Variants in FAT2 observed in about 807,000 individuals in gnomAD.
The protein encoded by FAT2 is FAT atypical cadherin 2, also known as protocadherin Fat 2.
Under a neutral mutation model 295.3 loss-of-function variants are expected in FAT2, and 150 were observed. The observed-to-expected ratio is 0.51, with a 90% CI of 0.44 to 0.58. The LOEUF (loss-of-function observed/expected upper bound fraction) is 0.58, where lower values mean the gene tolerates loss of function less well. Ranked by LOEUF, FAT2 falls within the 20% of genes least tolerant of loss-of-function variation. The probability of loss-of-function intolerance (pLI) is 0.00; values close to 1 mark genes in which losing one functional copy is unlikely to be tolerated. For synonymous variants in FAT2, 2,026 were observed against 2,150.3 expected (o/e 0.94, Z 1.60); for missense variants, 4,868 against 5,442.7 (o/e 0.89, Z 3.32).
At chr5:151,590,078 C>A (rs904264900) in intron 1 of FAT2, among the ~76,000 whole-genome samples, 1 of 152,174 alleles carries the variant, frequency 6.6e-6, no homozygotes, top group African/African-American at 2.4e-5. Context: ...GGATTTGAAA[C>A]CTCAAAAATT....
At position 151,545,246 on chromosome 5, in the gene FAT2, C is replaced by T; in HGVS notation, c.5881G>A (p.Val1961Met). ...TALVKISLTQVLDKSLQFDQD... is the reference protein window; with the variant it reads ...TALVKISLTQMLDKSLQFDQD... Reference sequence around the variant, plus strand: ...TCAAACTGCAAGCTTTTGTCAAGCACTTGGGTCAAAGAAATTTTTACCAGC... The same window carrying T: ...TCAAACTGCAAGCTTTTGTCAAGCATTTGGGTCAAAGAAATTTTTACCAGC... The change falls in exon 10 of 24, where the codon GTG becomes ATG. Residue 1961 changes from valine to methionine, a missense_variant. Transcript: ENST00000261800. 1.2e-6 allele frequency: 2 copies of T among 1,614,150 alleles called. No individual in the cohort carries two copies. Among genetic ancestry groups the T allele is most frequent in the Non-Finnish European group, 1.7e-6 (2 of 1,180,030 alleles).
chr5:151,570,371 G>A (rs745881485), intron 1 of FAT2, among the ~76,000 whole-genome samples: 3 of 152,262 alleles, frequency 2.0e-5, no homozygotes, highest in Non-Finnish European at 4.4e-5. Context: ...CATCATAGAT[G>A]AGTATAGATG....
intron 1 of FAT2, among the ~76,000 whole-genome samples, chr5:151,571,720 A>T (rs1208479887): frequency 6.6e-6 from 1 of 152,220 alleles, no homozygotes; most frequent in Non-Finnish European, 1.5e-5. Context: ...ACAAGCTTGC[A>T]GGGCGCAGAA....
upstream of FAT2, among the ~76,000 whole-genome samples, chr5:151,591,338 C>CAGG (rs951804695): frequency 2.6e-5 from 4 of 151,984 alleles, no homozygotes; most frequent in African/African-American, 4.8e-5. Context: ...TGTCCCAGCC[C>CAGG]AGGAGGAGGA....
rs1355950058 is a variant in FAT2, at chr5:151,531,779, A to G, written c.9619T>C (p.Ser3207Pro). Reference protein sequence around the residue: ...PLSTLGTVTVSVVGLEDYLPV... With the variant: ...PLSTLGTVTVPVVGLEDYLPV... ...AGGTAGTCTTCTAGGCCCACCACCG[A>G]GACTGTGACGGTGCCCAGCGTGGAC... Residue 3207 changes from serine (S) to proline (P), a missense_variant, in exon 14 of 24, where the codon TCG (serine) becomes CCG (proline). By Grantham distance (74) the Ser-to-Pro change is moderately conservative. Transcript: ENST00000261800. This position sits in a 1 kb window ranked among gnomAD's most constrained non-coding sequence, Gnocchi z 5.7. 5 of 1,612,510 alleles carry G rather than the reference A, an allele frequency of 3.1e-6. No individual in the cohort carries two copies. The highest frequency in any genetic ancestry group is 4.2e-6 in the Non-Finnish European group (5 of 1,180,008).
chr5:151,526,048 G>C, intron 17 of FAT2, 83 bp from the exon 18 acceptor site: 1 of 1,327,944 alleles, frequency 7.5e-7, no homozygotes, highest in South Asian at 1.3e-5. Context: ...ATGTCATCTG[G>C]AATGAGTCCT....
upstream of FAT2, among the ~76,000 whole-genome samples, chr5:151,591,352 G>C (rs1218627114): frequency 6.6e-6 from 1 of 152,198 alleles, no homozygotes; most frequent in East Asian, 1.9e-4. Context: ...AGGAGGAGGA[G>C]GAGGAAAAAG....
intron 13 of FAT2, among the ~76,000 whole-genome samples, chr5:151,533,393 A>AACACACAC (rs36215342): frequency 1.3e-3 from 167 of 132,174 alleles, no homozygotes; most frequent in Middle Eastern, 3.8e-3. Context: ...TGTTATCTCC[A>AACACACAC]ACACACACAC....
chr5:151,517,061 T>C (rs1220557781), intron 20 of FAT2, among the ~76,000 whole-genome samples: 1 of 147,146 alleles, frequency 6.8e-6, no homozygotes, highest in Non-Finnish European at 1.5e-5. Flanking sequence ...TGATCTGAAA[T>C]CACACCACTG....
intron 2 of FAT2, 80 bp from the exon 3 acceptor site, chr5:151,563,719 C>G: frequency 8.7e-7 from 1 of 1,144,804 alleles, no homozygotes; most frequent in Non-Finnish European, 1.3e-6. Context: ...CACCATTCCC[C>G]AAACCGCACT....
chr5:151,553,462 C>G (rs1348728110), intron 5 of FAT2, 75 bp from the exon 6 acceptor site: 1 of 1,315,202 alleles, frequency 7.6e-7, no homozygotes, highest in African/African-American at 1.5e-5. Flanking sequence ...GGACAGGAAC[C>G]AGAGCGTCCT....
At chr5:151,533,432 AC>A in intron 13 of FAT2, among the ~76,000 whole-genome samples, 1 of 147,154 alleles carries the variant, frequency 6.8e-6, no homozygotes, top group Non-Finnish European at 1.5e-5. Context: ...ACACACACAC[AC>A]ACACGCTTTC....
chr5:151,551,321 G>A (rs548117054), intron 7 of FAT2, 146 bp downstream of exon 7: 1 of 810,044 alleles, frequency 1.2e-6, no homozygotes, highest in Non-Finnish European at 2.0e-6. Flanking sequence ...CACAGAAGTA[G>A]AGAGTGTATT....
At chr5:151,507,089 G>A in intron 23 of FAT2, 65 bp downstream of exon 23, 1 of 1,390,244 alleles carries the variant, frequency 7.2e-7, no homozygotes, top group South Asian at 1.4e-5. Context: ...TCAGATAACG[G>A]AGTGTTTAGA....
intron 9 of FAT2, among the ~76,000 whole-genome samples, chr5:151,548,331 T>G (rs575689082): frequency 1.3e-5 from 2 of 151,740 alleles, no homozygotes; most frequent in Non-Finnish European, 2.9e-5. Context: ...TCATTAATTA[T>G]GTATTATAAT....
intron 1 of FAT2, among the ~76,000 whole-genome samples, chr5:151,579,896 T>C (rs944667060): frequency 6.6e-6 from 1 of 152,196 alleles, no homozygotes; most frequent in African/African-American, 2.4e-5. Context: ...ATCATTCTTC[T>C]TATGTTAAGC....
chr5:151,539,298 G>A (rs1370841691), intron 11 of FAT2, among the ~76,000 whole-genome samples: 2 of 152,252 alleles, frequency 1.3e-5, no homozygotes, highest in African/African-American at 2.4e-5. Context: ...AAGAAAAGGT[G>A]AGGAGATATA....
At chr5:151,552,620 CA>C (rs1757323894) in intron 6 of FAT2, among the ~76,000 whole-genome samples, 1 of 152,196 alleles carries the variant, frequency 6.6e-6, no homozygotes, top group Non-Finnish European at 1.5e-5. Flanking sequence ...AAGCGTTCGT[CA>C]GATTCCTGAA....
chr5:151,579,053 C>A (rs1370296888), intron 1 of FAT2, among the ~76,000 whole-genome samples: 1 of 152,000 alleles, frequency 6.6e-6, no homozygotes, highest in African/African-American at 2.4e-5. Context: ...AATTCTTAAG[C>A]CAGAGGGAAC....
Sources: gnomAD v4.1 joint callset for allele counts (sites outside exome capture counted in the v4.1 genomes callset) on GRCh38, gnomAD v4.1.1 for gene constraint, Gnocchi (gnomAD v3.1) non-coding constraint, MANE v1.5 for transcripts, NCBI Gene and HGNC (gene_info 2026-07-23, HGNC 2026-07-21) for gene names.